ERBB4: variants seen among roughly 807,000 people sequenced by gnomAD.
ERBB4 encodes the protein receptor tyrosine-protein kinase erbB-4.
A neutral mutation model predicts 158.0 loss-of-function variants in ERBB4; 42 were observed. The ratio of observed to expected loss-of-function variants is 0.27; its 90% confidence interval spans 0.21 to 0.34. The LOEUF (loss-of-function observed/expected upper bound fraction) is 0.34, where lower values mean the gene tolerates loss of function less well. ERBB4 is among the 10% of genes least tolerant of loss of function. The probability of loss-of-function intolerance (pLI) is 1.00; values close to 1 mark genes in which losing one functional copy is unlikely to be tolerated. For missense variants in ERBB4, 1,333 were observed against 1,624.1 expected (o/e 0.82, Z 3.08); for synonymous variants, 583 against 558.7 (o/e 1.04, Z -0.61).
intron 3 of ERBB4, among the ~76,000 whole-genome samples, chr2:211,903,160 G>C (rs1338028339): frequency 6.7e-6 from 1 of 149,608 alleles, no homozygotes; most frequent in Non-Finnish European, 1.5e-5. Flanking sequence ...ATCAGATTGA[G>C]TGGCAAATAA....
chr2:211,524,840 C>T (rs1309850167), intron 20 of ERBB4, among the ~76,000 whole-genome samples: 3 of 142,128 alleles, frequency 2.1e-5, no homozygotes, highest in Non-Finnish European at 4.4e-5. Flanking sequence ...CAGCGGTGGG[C>T]TGAAGGGCTC....
intron 1 of ERBB4, among the ~76,000 whole-genome samples, chr2:212,168,240 A>T (rs1181197187): frequency 6.6e-6 from 1 of 152,126 alleles, no homozygotes; most frequent in East Asian, 1.9e-4. Context: ...GGGGGAATAC[A>T]CTGGAGTAAT....
At chr2:211,655,297 G>A (rs929222041) in intron 16 of ERBB4, among the ~76,000 whole-genome samples, 6 of 152,016 alleles carry the variant, frequency 3.9e-5, no homozygotes, top group East Asian at 1.9e-4. Flanking sequence ...TCCTTCCCCC[G>A]GGAAGCACGT....
chr2:212,409,852 T>C (rs528279735), intron 1 of ERBB4, among the ~76,000 whole-genome samples: 5 of 152,130 alleles, frequency 3.3e-5, no homozygotes, highest in Non-Finnish European at 5.9e-5. Flanking sequence ...ATCTGTACTC[T>C]CATAATACAT....
chr2:212,135,463 A>T (rs577903156), intron 1 of ERBB4, among the ~76,000 whole-genome samples: 2 of 151,312 alleles, frequency 1.3e-5, no homozygotes, highest in African/African-American at 4.9e-5. Context: ...ATATCAAATA[A>T]CAACTAACTT....
intron 7 of ERBB4, among the ~76,000 whole-genome samples, chr2:211,715,282 T>C (rs2073855400): frequency 6.6e-6 from 1 of 152,072 alleles, no homozygotes; most frequent in Non-Finnish European, 1.5e-5. Flanking sequence ...GCATTCCAAG[T>C]CAATATCCAC....
chr2:212,266,524 C>T (rs1314724333), intron 1 of ERBB4, among the ~76,000 whole-genome samples: 1 of 151,834 alleles, frequency 6.6e-6, no homozygotes, highest in Non-Finnish European at 1.5e-5. Context: ...GCAGTTACCT[C>T]CTGAAACTAC....
intron 3 of ERBB4, among the ~76,000 whole-genome samples, chr2:211,819,370 T>G (rs1431876772): frequency 6.6e-6 from 1 of 151,966 alleles, no homozygotes; most frequent in Non-Finnish European, 1.5e-5. Flanking sequence ...CATGTTATAA[T>G]GGAGATACAT....
At chr2:211,762,893 CT>C (rs1262723337) in intron 4 of ERBB4, among the ~76,000 whole-genome samples, 1 of 152,224 alleles carries the variant, frequency 6.6e-6, no homozygotes. Flanking sequence ...TGTCCTTCTA[CT>C]CCCACCATCA....
chr2:211,537,012 T>A (rs556340486), intron 20 of ERBB4, among the ~76,000 whole-genome samples: 1 of 152,220 alleles, frequency 6.6e-6, no homozygotes, highest in South Asian at 2.1e-4. Flanking sequence ...ATTCCTTGGT[T>A]GCAGCAATGC....
chr2:211,935,732 T>TC (rs1410256907), intron 3 of ERBB4, among the ~76,000 whole-genome samples: 1 of 152,118 alleles, frequency 6.6e-6, no homozygotes, highest in Non-Finnish European at 1.5e-5. Context: ...TCCTAATGAA[T>TC]CCTTCTCAAA....
chr2:212,479,704 T>C (rs1273594807), intron 1 of ERBB4, among the ~76,000 whole-genome samples: 2 of 152,166 alleles, frequency 1.3e-5, no homozygotes, highest in Non-Finnish European at 1.5e-5. Flanking sequence ...GCCCTACATG[T>C]AACATTACAA....
intron 2 of ERBB4, among the ~76,000 whole-genome samples, chr2:212,015,323 G>C (rs866410146): frequency 2.0e-5 from 3 of 151,642 alleles, no homozygotes; most frequent in African/African-American, 7.3e-5. Flanking sequence ...CCAATTCACT[G>C]TCAACAGAGA....
intron 1 of ERBB4, among the ~76,000 whole-genome samples, chr2:212,184,550 A>G (rs980553809): frequency 6.6e-6 from 1 of 152,110 alleles, no homozygotes; most frequent in African/African-American, 2.4e-5. Context: ...TCAAACACTT[A>G]CATCTGGCCC....
At chr2:212,044,244 A>G (rs2077205851) in intron 2 of ERBB4, among the ~76,000 whole-genome samples, 1 of 152,110 alleles carries the variant, frequency 6.6e-6, no homozygotes, top group South Asian at 2.1e-4. Flanking sequence ...ATAGACATAA[A>G]ATTTCAAGCA....
intron 3 of ERBB4, among the ~76,000 whole-genome samples, chr2:211,818,629 T>C (rs938305614): frequency 6.6e-6 from 1 of 152,064 alleles, no homozygotes; most frequent in African/African-American, 2.4e-5. Context: ...AAGGATAATA[T>C]CTCTGACTTT....
intron 16 of ERBB4, among the ~76,000 whole-genome samples, chr2:211,633,840 A>G (rs1375146916): frequency 6.6e-6 from 1 of 152,046 alleles, no homozygotes; most frequent in East Asian, 1.9e-4. Context: ...CTATACATCT[A>G]ACAAAGGTCA....
At chr2:212,370,595 A>G (rs949611492) in intron 1 of ERBB4, among the ~76,000 whole-genome samples, 3 of 152,194 alleles carry the variant, frequency 2.0e-5, no homozygotes, top group Non-Finnish European at 4.4e-5. Flanking sequence ...CATTAAAATT[A>G]ATGGAAATTA....
At chr2:212,195,748 A>G (rs866592135) in intron 1 of ERBB4, among the ~76,000 whole-genome samples, 2 of 152,252 alleles carry the variant, frequency 1.3e-5, no homozygotes, top group Non-Finnish European at 2.9e-5. Context: ...TAATATTAAA[A>G]GCATATTTCA....
Sources: allele counts gnomAD v4.1 joint callset (sites outside exome capture counted in the v4.1 genomes callset), GRCh38; gene constraint gnomAD v4.1.1; transcripts MANE v1.5; gene names NCBI Gene and HGNC (gene_info 2026-07-23, HGNC 2026-07-21).